Variants in PLXDC2 observed in about 807,000 individuals in gnomAD.
The protein encoded by PLXDC2 is plexin domain containing 2, also known as plexin domain-containing protein 2.
PLXDC2 carries 40 observed loss-of-function variants against 68.9 expected under a neutral mutation model. That is an observed-to-expected ratio of 0.58 (90% CI 0.45 to 0.76). The LOEUF is 0.76. Ranked by LOEUF, PLXDC2 falls within the 30% of genes least tolerant of loss-of-function variation. The pLI is 0.00. For synonymous variants in PLXDC2, 243 were observed against 234.2 expected (o/e 1.04, Z -0.34); for missense variants, 644 against 661.9 (o/e 0.97, Z 0.30).
At chr10:20,176,824 T>G (rs1025842989) in intron 7 of PLXDC2, among the ~76,000 whole-genome samples, 175 bp from the exon 8 acceptor site, 2 of 152,178 alleles carry the variant, frequency 1.3e-5, no homozygotes, top group Non-Finnish European at 1.5e-5. Flanking sequence ...AAAAGACTTC[T>G]GGTTACTTGA....
At chr10:20,174,244 C>T (rs1318040400) in intron 7 of PLXDC2, among the ~76,000 whole-genome samples, 4 of 151,752 alleles carry the variant, frequency 2.6e-5, no homozygotes, top group East Asian at 1.9e-4. Context: ...GAAAGCAATA[C>T]GTAGGAATGA....
chr10:20,167,315 C>T (rs1178972231), intron 7 of PLXDC2, among the ~76,000 whole-genome samples: 1 of 152,112 alleles, frequency 6.6e-6, no homozygotes, highest in Non-Finnish European at 1.5e-5. Flanking sequence ...ATTGTATTCT[C>T]AGCTAACAGA....
chr10:20,046,825 A>G (rs764289407), intron 2 of PLXDC2, 44 bp from the exon 3 acceptor site: 3 of 1,540,752 alleles, frequency 1.9e-6, no homozygotes, highest in Non-Finnish European at 2.6e-6. Flanking sequence ...AATTGTAGGT[A>G]AAACATCTCG....
At chr10:20,239,699 G>T (rs893343819) in intron 12 of PLXDC2, among the ~76,000 whole-genome samples, 9 of 152,132 alleles carry the variant, frequency 5.9e-5, no homozygotes, top group African/African-American at 2.2e-4. Flanking sequence ...TTACTGAGAA[G>T]TTTGTCCCTG....
At chr10:20,133,506 C>T (rs1255378978) in intron 4 of PLXDC2, among the ~76,000 whole-genome samples, 1 of 152,122 alleles carries the variant, frequency 6.6e-6, no homozygotes, top group Non-Finnish European at 1.5e-5. Flanking sequence ...TTACTTTCAA[C>T]ACTTTGAATT....
chr10:20,138,916 G>GA (rs907586890), intron 4 of PLXDC2, among the ~76,000 whole-genome samples: 24 of 147,676 alleles, frequency 1.6e-4, no homozygotes, highest in East Asian at 9.9e-4. Flanking sequence ...CTGTCTCAGA[G>GA]AAAAAAAAAC....
chr10:19,902,339 G>A (rs762598589), intron 1 of PLXDC2, among the ~76,000 whole-genome samples: 8 of 152,088 alleles, frequency 5.3e-5, no homozygotes, highest in Non-Finnish European at 1.2e-4. Context: ...TGTCATCTAT[G>A]ATTTCTTTCT....
At chr10:20,213,104 G>A (rs1176998210) in intron 10 of PLXDC2, among the ~76,000 whole-genome samples, 1 of 151,928 alleles carries the variant, frequency 6.6e-6, no homozygotes, top group Non-Finnish European at 1.5e-5. Flanking sequence ...ATATGCCTGT[G>A]CATCTTCTTT....
intron 6 of PLXDC2, among the ~76,000 whole-genome samples, chr10:20,148,839 A>G (rs1274749289): frequency 6.6e-6 from 1 of 152,230 alleles, no homozygotes; most frequent in Non-Finnish European, 1.5e-5. Flanking sequence ...GAGGATAAAG[A>G]AAGAATGCCC....
chr10:20,280,873 C>G lies in PLXDC2; in HGVS notation c.*1054C>G, dbSNP rs1277531717. ...AATGAAAAAACCCTGCTGAATCATA[C>G]AGTAATTTTCTTTAAAGCACATAGT... On this transcript the variant is annotated 3_prime_UTR_variant, in exon 14 of 14. Transcript: ENST00000377252. 1 of 151,850 alleles carries G rather than the reference C, an allele frequency of 6.6e-6. No homozygotes were observed. Among genetic ancestry groups the G allele is most frequent in the Non-Finnish European group, 1.5e-5 (1 of 67,962 alleles). The allele number at this position is 151,850 out of a possible 1,614,324, so 9.4% of individuals were successfully genotyped here. A position where few individuals can be genotyped will look rare whatever the true frequency, so the allele number is the denominator to read the frequency against.
At chr10:20,176,118 T>C (rs944910675) in intron 7 of PLXDC2, among the ~76,000 whole-genome samples, 3 of 152,182 alleles carry the variant, frequency 2.0e-5, no homozygotes, top group African/African-American at 4.8e-5. Flanking sequence ...CTCAGGGACA[T>C]TGATGGATTT....
intron 2 of PLXDC2, among the ~76,000 whole-genome samples, chr10:20,018,036 A>G (rs1175449810): frequency 6.6e-6 from 1 of 152,234 alleles, no homozygotes; most frequent in African/African-American, 2.4e-5. Context: ...CAGATCTCCT[A>G]GTTTCTCCAG....
rs184156762 is a variant in PLXDC2 at position 19,848,431 on chromosome 10, A to G, written c.112+31240A>G. ...GGGACTCTATCTGTTGGTGACTTCT[A>G]CCAGTTCCCCAGCAGGTTTCTTGAC... On this transcript the variant is annotated intron_variant, in intron 1 of 13. Transcript: ENST00000377252. Among the ~76,000 whole-genome samples, 36 of 152,234 alleles carry G rather than the reference A, an allele frequency of 2.4e-4. No individual in the cohort carries two copies. The South Asian group carries it at 3.7e-3, about 16-fold the overall frequency.
intron 1 of PLXDC2, among the ~76,000 whole-genome samples, chr10:19,832,773 G>T (rs1836719454): frequency 6.6e-6 from 1 of 152,184 alleles, no homozygotes; most frequent in Non-Finnish European, 1.5e-5. Context: ...TTGCACAAGG[G>T]AGCCGGGGAA....
At chr10:19,844,677 C>A (rs1250851538) in intron 1 of PLXDC2, among the ~76,000 whole-genome samples, 1 of 151,810 alleles carries the variant, frequency 6.6e-6, no homozygotes, top group Non-Finnish European at 1.5e-5. Context: ...CTCACTGCAA[C>A]CTCTGCCTTC....
intron 13 of PLXDC2, among the ~76,000 whole-genome samples, chr10:20,276,544 C>G (rs1272413934): frequency 1.3e-5 from 2 of 152,090 alleles, no homozygotes; most frequent in Admixed American, 1.3e-4. Context: ...AGAAATCACC[C>G]ACACACTGCA....
chr10:19,925,765 C>T (rs1024982662), intron 1 of PLXDC2, among the ~76,000 whole-genome samples: 3 of 152,156 alleles, frequency 2.0e-5, no homozygotes, highest in Non-Finnish European at 4.4e-5. Context: ...TCTGCCCATG[C>T]CAAGGCGGGC....
At position 19,931,506 on chromosome 10, in the gene PLXDC2, C is replaced by T. The variant is rs546721572; in HGVS notation, c.113-70269C>T. 1.6e-4 allele frequency among the ~76,000 whole-genome samples: 25 copies of T among 152,310 alleles called. No homozygotes were observed. The East Asian group carries it at 4.0e-3, about 25-fold the overall frequency. ...TATTTTAAATGCTCCAGTGGGCTCG[C>T]TATTTAAAGGAATCCTTCAGCAAAT... On this transcript the variant is annotated intron_variant, in intron 1 of 13. Transcript: ENST00000377252.
At position 19,840,495 on chromosome 10, in the gene PLXDC2, A is replaced by C. The variant is rs117757776; in HGVS notation, c.112+23304A>C. Among the ~76,000 whole-genome samples, 435 of 152,278 alleles carry C rather than the reference A, an allele frequency of 2.9e-3. 9 individuals carry two copies. In the East Asian group the frequency reaches 0.053, roughly 19 times the overall value. On this transcript the variant is annotated intron_variant, in intron 1 of 13. Transcript: ENST00000377252. ...AAAATACTCTTTCAATCTTACTGTT[A>C]TTAATATTAAATTTATCATTAAAAA...
Sources: allele counts gnomAD v4.1 joint callset (sites outside exome capture counted in the v4.1 genomes callset), GRCh38; gene constraint gnomAD v4.1.1; transcripts MANE v1.5; gene names NCBI Gene and HGNC (gene_info 2026-07-23, HGNC 2026-07-21).